Variants in GTF2A1L observed in about 807,000 individuals in gnomAD.
GTF2A1L encodes general transcription factor IIA subunit 1 like.
GTF2A1L carries 48 observed loss-of-function variants against 49.7 expected under a neutral mutation model. That is an observed-to-expected ratio of 0.97 (90% CI 0.77 to 1.23). GTF2A1L has a LOEUF of 1.23. Among genes scored for constraint, GTF2A1L ranks in the 50% most tolerant of loss-of-function variants. GTF2A1L has a pLI of 0.00. For synonymous variants in GTF2A1L, 246 were observed against 193.5 expected (o/e 1.27, Z -2.25); for missense variants, 736 against 564.8 (o/e 1.30, Z -3.07).
Position 48,646,641 on chromosome 2 carries a change from G to A in GTF2A1L, c.577G>A (p.Val193Met), listed in dbSNP as rs771832363. Reference sequence around the variant, plus strand: ...TGAAAAATCACAGAGAATTGAAACCGTGCTACAGCAACCCGCAATTCTACC... The same window carrying A: ...TGAAAAATCACAGAGAATTGAAACCATGCTACAGCAACCCGCAATTCTACC... Reference protein sequence around the residue: ...TTEKSQRIETVLQQPAILPSG... With the variant: ...TTEKSQRIETMLQQPAILPSG... Residue 193 changes from valine (V) to methionine (M), a missense_variant, in exon 6 of 9, where the codon GTG becomes ATG. Coordinates refer to ENST00000403751, the MANE Select transcript of GTF2A1L (RefSeq NM_006872.5). The A allele has an allele frequency of 6.2e-6, 10 of 1,614,034 alleles. No homozygotes were observed. The highest frequency in any genetic ancestry group is 1.6e-4 in the Middle Eastern group (1 of 6,062).
At chr2:48,665,286 CTT>C (rs34095285) in intron 6 of GTF2A1L, among the ~76,000 whole-genome samples, 12 of 130,036 alleles carry the variant, frequency 9.2e-5, no homozygotes, top group Non-Finnish European at 9.8e-5. Context: ...TTCTCTCTCT[CTT>C]TTTTTTTTTT....
intron 8 of GTF2A1L, among the ~76,000 whole-genome samples, chr2:48,675,048 G>C (rs1274781914): frequency 1.3e-5 from 2 of 152,134 alleles, no homozygotes; most frequent in Non-Finnish European, 2.9e-5. Context: ...GAATCTTTAT[G>C]AAAGAAAAAC....
intron 3 of GTF2A1L, among the ~76,000 whole-genome samples, chr2:48,639,016 A>C (rs1677058652): frequency 6.6e-6 from 1 of 152,154 alleles, no homozygotes; most frequent in Non-Finnish European, 1.5e-5. Flanking sequence ...GATCTTTACA[A>C]TGAGAATTAC....
At chr2:48,653,337 C>T (rs1375560621) in intron 6 of GTF2A1L, among the ~76,000 whole-genome samples, 1 of 151,202 alleles carries the variant, frequency 6.6e-6, no homozygotes, top group Admixed American at 6.6e-5. Flanking sequence ...TTTTGGCAAA[C>T]ATGAAGTTAT....
Position 48,638,050 on chromosome 2 carries a change from C to G in GTF2A1L, c.248-4352C>G, listed in dbSNP as rs538628835. 4.6e-5 allele frequency among the ~76,000 whole-genome samples: 7 copies of G among 152,268 alleles called. No individual in the cohort carries two copies. The East Asian group carries it at 1.4e-3, about 29-fold the overall frequency. ...ACGAGGAAGAAATTGATTCCCTGAA[C>G]AGACCAATAAGGAACTCCAAAATTG... On this transcript the variant is annotated intron_variant, in intron 3 of 8. Coordinates refer to ENST00000403751, the MANE Select transcript of GTF2A1L (RefSeq NM_006872.5).
rs536185170 is a variant in GTF2A1L at position 48,624,461 on chromosome 2, TAG to T, written c.247+3173_247+3174del. Among the ~76,000 whole-genome samples, 88 of 24,872 alleles carry T rather than the reference TAG, an allele frequency of 3.5e-3. 14 individuals are homozygous for T. The South Asian group carries it at 0.16, about 46-fold the overall frequency. The allele number at this position is 24,872 out of a possible 152,430, so 16.3% of individuals were successfully genotyped here. On this transcript the variant is annotated intron_variant, in intron 3 of 8. Transcript: ENST00000403751. Reference sequence around the variant, plus strand: ...AGGTGTTCACCATAGTGCTTTGATATAGATAGATAGATAGATAGATAGATAGT... The same window carrying T: ...AGGTGTTCACCATAGTGCTTTGATATATAGATAGATAGATAGATAGATAGT...
chr2:48,623,618 G>A (rs761677371), intron 3 of GTF2A1L, among the ~76,000 whole-genome samples: 6 of 152,168 alleles, frequency 3.9e-5, no homozygotes, highest in Admixed American at 1.3e-4. Context: ...ACACTTGTAT[G>A]TTTATTGCAG....
At chr2:48,625,883 T>G (rs913713675) in intron 3 of GTF2A1L, among the ~76,000 whole-genome samples, 3 of 144,030 alleles carry the variant, frequency 2.1e-5, no homozygotes, top group African/African-American at 4.9e-5. Context: ...GTGCCTGGCT[T>G]ATTTATTTTC....
intron 6 of GTF2A1L, among the ~76,000 whole-genome samples, chr2:48,662,769 C>T (rs889605224): frequency 1.3e-5 from 2 of 150,958 alleles, no homozygotes; most frequent in South Asian, 2.1e-4. Context: ...TACATAGATG[C>T]GTTGCTTTTC....
chr2:48,657,855 G>A (rs973069172), intron 6 of GTF2A1L, among the ~76,000 whole-genome samples: 1 of 151,944 alleles, frequency 6.6e-6, no homozygotes, highest in African/African-American at 2.4e-5. Context: ...CTGATGATTA[G>A]TGATGTGGAA....
chr2:48,634,143 T>C lies in GTF2A1L; in HGVS notation c.248-8259T>C, dbSNP rs182826651. Reference sequence around the variant, plus strand: ...TTTTGTTTTTATTGAGAAGGAGTCTTGCTCTGTCACTCAGGCTGGAGTGCA... The same window carrying C: ...TTTTGTTTTTATTGAGAAGGAGTCTCGCTCTGTCACTCAGGCTGGAGTGCA... On this transcript the variant is annotated intron_variant, in intron 3 of 8. Transcript: ENST00000403751. 3.1e-3 allele frequency among the ~76,000 whole-genome samples: 467 copies of C among 152,276 alleles called. 6 individuals carry two copies. The highest frequency in any genetic ancestry group is 0.01 in the African/African-American group (430 of 41,570).
chr2:48,642,478 A>G (rs752520662), intron 4 of GTF2A1L, 21 bp downstream of exon 4: 2 of 1,560,172 alleles, frequency 1.3e-6, no homozygotes, highest in Admixed American at 1.7e-5. Context: ...TACTTAAAAT[A>G]TATTTTAAAA....
chr2:48,620,904 AT>A lies in GTF2A1L; in HGVS notation c.78del (p.Phe26LeufsTer6). 4 of 1,606,646 alleles carry A rather than the reference AT, an allele frequency of 2.5e-6. No homozygotes were observed. The highest frequency in any genetic ancestry group is 3.4e-6 in the Non-Finnish European group (4 of 1,176,652). ...ATGTAATTGAAGGAGTTCGGAATCT[AT>A]TTGCTGAAGAAGGTATAGAGGAACA... Reference protein sequence around the residue: ...EDVIEGVRNLFAEEGIEEQVL... With the variant: ...EDVIEGVRNLXAEEGIEEQVL... On this transcript the variant is annotated frameshift_variant, in exon 2 of 9. Transcript: ENST00000403751. LOFTEE classifies it high-confidence loss of function.
chr2:48,667,369 A>G (rs1276071999), intron 6 of GTF2A1L, among the ~76,000 whole-genome samples: 1 of 152,148 alleles, frequency 6.6e-6, no homozygotes, highest in Non-Finnish European at 1.5e-5. Context: ...ATATGTTTGT[A>G]TGTCCCATCT....
intron 1 of GTF2A1L, among the ~76,000 whole-genome samples, chr2:48,620,447 A>C (rs1265531572): frequency 1.3e-5 from 2 of 152,240 alleles, no homozygotes; most frequent in Non-Finnish European, 2.9e-5. Flanking sequence ...TATGCACTGC[A>C]TATCTTTTAA....
At chr2:48,621,482 C>T (rs1020236104) in intron 3 of GTF2A1L, among the ~76,000 whole-genome samples, 192 bp downstream of exon 3, 1 of 152,112 alleles carries the variant, frequency 6.6e-6, no homozygotes, top group Non-Finnish European at 1.5e-5. Flanking sequence ...GTTATTCGAA[C>T]TAGTTTTTAT....
chr2:48,673,000 A>G (rs6746623), intron 8 of GTF2A1L, among the ~76,000 whole-genome samples: 33,318 of 152,034 alleles, frequency 0.22, 3,748 homozygotes, highest in South Asian at 0.25. Flanking sequence ...CTCTATTTCT[A>G]TGGATTTTCC....
intron 6 of GTF2A1L, among the ~76,000 whole-genome samples, chr2:48,668,996 A>G (rs966111911): frequency 2.0e-5 from 3 of 152,098 alleles, no homozygotes; most frequent in Admixed American, 6.5e-5. Context: ...TTTCCTTTAT[A>G]TATTTTTTAC....
At position 48,669,823 on chromosome 2, in the gene GTF2A1L, A is replaced by C. The variant is rs1679067370; in HGVS notation, c.1080A>C (p.Glu360Asp). ...DGSGDTSSNE[E>D]IGSTRDADEN... ...GCGGTGATACATCTTCCAATGAAGA[A>C]ATAGGAAGTACAAGAGATGCAGATG... Residue 360 changes from glutamate (E) to aspartate (D), a missense_variant, in exon 7 of 9, where the codon GAA becomes GAC. Coordinates refer to ENST00000403751, the MANE Select transcript of GTF2A1L (RefSeq NM_006872.5). 1 of 1,613,964 alleles carries C rather than the reference A, an allele frequency of 6.2e-7. No homozygotes were observed. The highest frequency in any genetic ancestry group is 8.5e-7 in the Non-Finnish European group (1 of 1,179,994).
Sources: gnomAD v4.1 joint callset for allele counts (sites outside exome capture counted in the v4.1 genomes callset) on GRCh38, gnomAD v4.1.1 for gene constraint, MANE v1.5 for transcripts, NCBI Gene and HGNC (gene_info 2026-07-23, HGNC 2026-07-21) for gene names.